The following TSPAN18 variants were observed in gnomAD, a reference collection of about 807,000 sequenced individuals.
The protein encoded by TSPAN18 is tetraspanin-18.
TSPAN18 carries 14 observed loss-of-function variants against 27.3 expected under a neutral mutation model. The ratio of observed to expected loss-of-function variants is 0.51; its 90% CI spans 0.34 to 0.80. The LOEUF (loss-of-function observed/expected upper bound fraction) is 0.80, where lower values mean the gene tolerates loss of function less well. Among genes scored for constraint, TSPAN18 ranks in the 30% least tolerant of loss-of-function variants. TSPAN18 has a pLI of 0.01. For synonymous variants in TSPAN18, 143 were observed against 136.5 expected, an observed-to-expected ratio of 1.05 and a Z score of -0.33; for missense variants, 268 against 323.9, an observed-to-expected ratio of 0.83 and a Z score of 1.32.
intron 2 of TSPAN18, among the ~76,000 whole-genome samples, chr11:44,833,859 A>G (rs1857207362): frequency 6.6e-6 from 1 of 152,062 alleles, no homozygotes; most frequent in African/African-American, 2.4e-5. Context: ...CACCCTCCCC[A>G]TCTAATCACT....
intron 2 of TSPAN18, among the ~76,000 whole-genome samples, chr11:44,774,761 A>AT (rs1354300936): frequency 3.3e-5 from 5 of 152,140 alleles, no homozygotes; most frequent in African/African-American, 1.2e-4. Flanking sequence ...CTGATAGAAC[A>AT]ACCAGGTTGA....
intron 1 of TSPAN18, among the ~76,000 whole-genome samples, chr11:44,746,399 A>G (rs1855077983): frequency 6.6e-6 from 1 of 152,184 alleles, no homozygotes; most frequent in South Asian, 2.1e-4. Flanking sequence ...GGGGTGAGTT[A>G]TTCAGCTTCT....
chr11:44,877,716 C>T (rs1858375152), intron 3 of TSPAN18, among the ~76,000 whole-genome samples: 1 of 152,186 alleles, frequency 6.6e-6, no homozygotes, highest in Admixed American at 6.5e-5. Context: ...CCCACAGCCC[C>T]TGTGAAGCCT....
At chr11:44,796,080 T>C (rs1563054) in intron 2 of TSPAN18, among the ~76,000 whole-genome samples, 26,265 of 152,116 alleles carry the variant, frequency 0.17, 2,821 homozygotes, top group South Asian at 0.33. Context: ...ATCTCACTCA[T>C]TTGCCCCAGT....
intron 2 of TSPAN18, among the ~76,000 whole-genome samples, chr11:44,830,061 G>A (rs185638360): frequency 1.5e-3 from 235 of 152,228 alleles, no homozygotes; most frequent in African/African-American, 5.4e-3. Flanking sequence ...ACAAGGTTAC[G>A]TCACTTCCTT....
chr11:44,780,624 C>T (rs960362076), intron 2 of TSPAN18, among the ~76,000 whole-genome samples: 7 of 152,222 alleles, frequency 4.6e-5, no homozygotes, highest in African/African-American at 9.7e-5. Context: ...AAAATGACGT[C>T]GGACTTTGAT....
intron 2 of TSPAN18, among the ~76,000 whole-genome samples, chr11:44,838,032 T>C (rs1857297871): frequency 6.6e-6 from 1 of 152,170 alleles, no homozygotes; most frequent in Non-Finnish European, 1.5e-5. Context: ...GAGATTTGGG[T>C]GGTGGGGTAC....
chr11:44,831,148 C>T (rs974106496), intron 2 of TSPAN18, among the ~76,000 whole-genome samples: 6 of 152,048 alleles, frequency 3.9e-5, no homozygotes, highest in Non-Finnish European at 7.4e-5. Flanking sequence ...ACAAACAAAA[C>T]AAAATGCCAC....
At chr11:44,796,290 A>G (rs762772258) in intron 2 of TSPAN18, among the ~76,000 whole-genome samples, 17 of 152,290 alleles carry the variant, frequency 1.1e-4, no homozygotes, top group Non-Finnish European at 2.1e-4. Flanking sequence ...TGTGCAGTGG[A>G]GAAGCCATGG....
intron 2 of TSPAN18, among the ~76,000 whole-genome samples, chr11:44,850,386 G>A (rs1857573011): frequency 6.6e-6 from 1 of 152,128 alleles, no homozygotes; most frequent in Admixed American, 6.5e-5. Flanking sequence ...TTTAGGGTGA[G>A]GCTGCCAGGG....
intron 2 of TSPAN18, among the ~76,000 whole-genome samples, chr11:44,840,969 C>T (rs1857360620): frequency 6.6e-6 from 1 of 152,196 alleles, no homozygotes; most frequent in African/African-American, 2.4e-5. Context: ...AGCCTGGTAT[C>T]ATCACAGTAC....
chr11:44,907,456 T>G (rs577570744), intron 4 of TSPAN18, among the ~76,000 whole-genome samples: 1 of 152,286 alleles, frequency 6.6e-6, no homozygotes, highest in East Asian at 1.9e-4. Flanking sequence ...TCCCTCTCTA[T>G]CTCTACCTCT....
intron 3 of TSPAN18, among the ~76,000 whole-genome samples, chr11:44,871,988 A>G (rs975367038): frequency 1.3e-5 from 2 of 152,072 alleles, no homozygotes; most frequent in Non-Finnish European, 2.9e-5. Flanking sequence ...CAGTGACACA[A>G]TCTCGGCTCA....
At chr11:44,746,007 A>G (rs1488877708) in intron 1 of TSPAN18, among the ~76,000 whole-genome samples, 1 of 152,248 alleles carries the variant, frequency 6.6e-6, no homozygotes, top group Non-Finnish European at 1.5e-5. Context: ...AGCCTGGGCG[A>G]CAGAGCGAGA....
intron 1 of TSPAN18, among the ~76,000 whole-genome samples, chr11:44,732,883 C>T (rs1854697476): frequency 6.6e-6 from 1 of 152,192 alleles, no homozygotes; most frequent in Non-Finnish European, 1.5e-5. Context: ...TGATTAACTC[C>T]TGATCACATT....
At chr11:44,888,159 C>T (rs1232119302) in intron 3 of TSPAN18, among the ~76,000 whole-genome samples, 18 of 152,232 alleles carry the variant, frequency 1.2e-4, no homozygotes, top group Non-Finnish European at 2.2e-4. Flanking sequence ...CCAACTCCTC[C>T]TCTTCACCAC....
intron 3 of TSPAN18, among the ~76,000 whole-genome samples, chr11:44,885,360 C>T (rs917030421): frequency 6.6e-6 from 1 of 151,848 alleles, no homozygotes; most frequent in Non-Finnish European, 1.5e-5. Flanking sequence ...TTTTTTTCCC[C>T]CAAAGAAAAG....
At chr11:44,882,585 GAGACACACAC>G (rs1161356953) in intron 3 of TSPAN18, among the ~76,000 whole-genome samples, 10 of 92,490 alleles carry the variant, frequency 1.1e-4, no homozygotes, top group Admixed American at 2.0e-4. Flanking sequence ...GTCAGAGAGA[GAGACACACAC>G]ACACACACAC....
intron 2 of TSPAN18, among the ~76,000 whole-genome samples, chr11:44,822,134 C>A (rs1448206308): frequency 6.6e-6 from 1 of 152,128 alleles, no homozygotes; most frequent in African/African-American, 2.4e-5. Context: ...TAGAGAACTT[C>A]TGTGTGTTGA....
Sources: allele counts gnomAD v4.1 joint callset (sites outside exome capture counted in the v4.1 genomes callset), GRCh38; gene constraint gnomAD v4.1.1; transcripts MANE v1.5; gene names NCBI Gene and HGNC (gene_info 2026-07-23, HGNC 2026-07-21).